RBFOX1: variants seen among roughly 807,000 people sequenced by gnomAD.
The protein encoded by RBFOX1 is RNA binding fox-1 homolog 1, also known as RNA binding protein fox-1 homolog 1.
A neutral mutation model predicts 57.7 loss-of-function variants in RBFOX1; 8 were observed. The observed-to-expected ratio is 0.14, with a 90% CI of 0.08 to 0.25. The LOEUF is 0.25. Ranked by LOEUF, RBFOX1 falls within the 10% of genes least tolerant of loss-of-function variation. The pLI is 1.00. For synonymous variants in RBFOX1, 326 were observed against 222.4 expected, an observed-to-expected ratio of 1.47 and a Z score of -4.15; for missense variants, 611 against 548.5, an observed-to-expected ratio of 1.11 and a Z score of -1.14.
chr16:6,233,632 G>T (rs565299637), intron 1 of RBFOX1, among the ~76,000 whole-genome samples: 1 of 152,062 alleles, frequency 6.6e-6, no homozygotes, highest in African/African-American at 2.4e-5. Flanking sequence ...TCAAAGAAAT[G>T]GGGTCTCACT....
At chr16:5,851,782 C>G (rs1174263952) in intron 3 of RBFOX1, among the ~76,000 whole-genome samples, 1 of 152,182 alleles carries the variant, frequency 6.6e-6, no homozygotes, top group African/African-American at 2.4e-5. Flanking sequence ...GACAGGAAAA[C>G]CGCAAGTTTA....
intron 2 of RBFOX1, among the ~76,000 whole-genome samples, chr16:6,595,543 A>G (rs1280680702): frequency 1.3e-5 from 2 of 152,166 alleles, no homozygotes; most frequent in Non-Finnish European, 2.9e-5. Flanking sequence ...TTTTCTGTGT[A>G]CTTACGTTTT....
At chr16:7,428,013 C>A (rs1189395333) in intron 4 of RBFOX1, among the ~76,000 whole-genome samples, 2 of 152,276 alleles carry the variant, frequency 1.3e-5, no homozygotes, top group African/African-American at 2.4e-5. Context: ...GAATGTTTCT[C>A]CCTCCTATTT....
At chr16:7,414,527 G>T (rs9302845) in intron 4 of RBFOX1, among the ~76,000 whole-genome samples, 3 of 152,036 alleles carry the variant, frequency 2.0e-5, no homozygotes, top group African/African-American at 7.2e-5. Flanking sequence ...TGATAGAAAA[G>T]TGTGACTTTC....
intron 4 of RBFOX1, among the ~76,000 whole-genome samples, chr16:7,443,918 C>G (rs1431614188): frequency 6.6e-6 from 1 of 152,156 alleles, no homozygotes; most frequent in African/African-American, 2.4e-5. Context: ...ATTCTGTATT[C>G]CTTTGTTGCC....
intron 1 of RBFOX1, among the ~76,000 whole-genome samples, chr16:5,459,277 C>T (rs2068720114): frequency 6.6e-6 from 1 of 152,254 alleles, no homozygotes; most frequent in African/African-American, 2.4e-5. Context: ...AGCTGCTCCT[C>T]ATCCCATCTG....
chr16:7,593,995 C>G (rs1451911322), intron 7 of RBFOX1, among the ~76,000 whole-genome samples: 1 of 152,100 alleles, frequency 6.6e-6, no homozygotes, highest in Non-Finnish European at 1.5e-5. Context: ...TTTTATTATA[C>G]TTTAAGTTCT....
At chr16:6,995,598 A>T (rs969314527) in intron 3 of RBFOX1, among the ~76,000 whole-genome samples, 1 of 152,058 alleles carries the variant, frequency 6.6e-6, no homozygotes, top group Non-Finnish European at 1.5e-5. Context: ...TGTCTCTACT[A>T]AACATACAAA....
chr16:5,557,282 T>C (rs982731179), intron 2 of RBFOX1, among the ~76,000 whole-genome samples: 51 of 141,250 alleles, frequency 3.6e-4, no homozygotes, highest in South Asian at 2.1e-4. Flanking sequence ...AATAAATAAA[T>C]AAATAAATAA....
intron 4 of RBFOX1, among the ~76,000 whole-genome samples, chr16:7,315,892 T>A (rs1053695636): frequency 6.6e-6 from 1 of 152,208 alleles, no homozygotes; most frequent in African/African-American, 2.4e-5. Flanking sequence ...TTTACATATA[T>A]CTTTGATGGG....
intron 1 of RBFOX1, among the ~76,000 whole-genome samples, chr16:6,131,062 C>G (rs1205121914): frequency 6.6e-5 from 10 of 152,112 alleles, no homozygotes; most frequent in Non-Finnish European, 2.9e-5. Flanking sequence ...CATGCATACT[C>G]TATGTTTCCA....
chr16:6,172,276 G>A (rs1459800157), intron 1 of RBFOX1, among the ~76,000 whole-genome samples: 1 of 151,066 alleles, frequency 6.6e-6, no homozygotes, highest in Non-Finnish European at 1.5e-5. Context: ...CCGGACAGCG[G>A]GGAGATACAA....
chr16:5,313,070 G>A (rs1259821841), intron 1 of RBFOX1, among the ~76,000 whole-genome samples: 1 of 152,070 alleles, frequency 6.6e-6, no homozygotes, highest in Non-Finnish European at 1.5e-5. Context: ...TGTCCTGGGC[G>A]CTTTCTGTGA....
chr16:5,355,268 G>A (rs1596633914), intron 1 of RBFOX1, among the ~76,000 whole-genome samples: 1 of 152,168 alleles, frequency 6.6e-6, no homozygotes, highest in African/African-American at 2.4e-5. Flanking sequence ...CTTAGAGCAG[G>A]ATAGTTCAAG....
At chr16:6,777,136 G>A (rs939243346) in intron 3 of RBFOX1, among the ~76,000 whole-genome samples, 2 of 151,822 alleles carry the variant, frequency 1.3e-5, no homozygotes, top group African/African-American at 4.8e-5. Flanking sequence ...TCTTGTATGC[G>A]ATGTGCTACA....
intron 1 of RBFOX1, among the ~76,000 whole-genome samples, chr16:5,426,982 G>A (rs1049728730): frequency 2.6e-5 from 4 of 152,156 alleles, no homozygotes; most frequent in African/African-American, 9.7e-5. Flanking sequence ...ATTCATATCG[G>A]CTTCCAGCTG....
chr16:5,312,477 C>T (rs2064118356), intron 1 of RBFOX1, among the ~76,000 whole-genome samples: 1 of 152,106 alleles, frequency 6.6e-6, no homozygotes, highest in African/African-American at 2.4e-5. Flanking sequence ...TGCCCGTGAC[C>T]ACTAAATTTT....
At chr16:7,127,561 G>A (rs1024476525) in intron 4 of RBFOX1, among the ~76,000 whole-genome samples, 3 of 152,174 alleles carry the variant, frequency 2.0e-5, no homozygotes, top group African/African-American at 7.2e-5. Flanking sequence ...GCACGAGCGT[G>A]CATGTGTGTG....
At position 5,718,074 on chromosome 16, in the gene RBFOX1, T is replaced by C. The variant is rs1207470729; in HGVS notation, c.318+119113T>C. Among the ~76,000 whole-genome samples, 3 of 152,200 alleles carry C rather than the reference T, an allele frequency of 2.0e-5. No individual in the cohort carries two copies. In the East Asian group the frequency reaches 5.8e-4, roughly 29 times the overall value. ...TGGCCAGGTGACTTGCTCTGGACAA[T>C]AGGGTGTCATCGAATACGATGCACA... is the stretch of plus-strand genomic sequence containing the variant. On this transcript the variant is annotated intron_variant, in intron 3 of 19. Transcript: ENST00000641259.
Sources: gnomAD v4.1 joint callset for allele counts (sites outside exome capture counted in the v4.1 genomes callset) on GRCh38, gnomAD v4.1.1 for gene constraint, MANE v1.5 for transcripts, NCBI Gene and HGNC (gene_info 2026-07-23, HGNC 2026-07-21) for gene names.